FBXW12: variants seen among roughly 807,000 people sequenced by gnomAD.
The protein encoded by FBXW12 is F-box/WD repeat-containing protein 12.
Under a neutral mutation model 55.3 loss-of-function variants are expected in FBXW12, and 43 were observed. The observed-to-expected ratio is 0.78, with a 90% confidence interval of 0.61 to 1.00. FBXW12 has a LOEUF of 1.00. Ranked by LOEUF, FBXW12 falls within the 50% of genes least tolerant of loss-of-function variation. The pLI, the probability that FBXW12 is intolerant of heterozygous loss-of-function variation, is 0.00. For synonymous variants in FBXW12, 184 were observed against 203.8 expected (o/e 0.90, Z 0.83); for missense variants, 524 against 560.5 (o/e 0.93, Z 0.66).
Position 48,379,384 on chromosome 3 carries a change from G to A in FBXW12, c.616-16G>A. ...CATATCTTCCTATTGATATGGTGGG[G>A]ATGCTTTGGTTTCAGGTTGGCGATG... On this transcript the variant is annotated splice_polypyrimidine_tract_variant and intron_variant, in intron 6 of 10. Transcript: ENST00000296438. 1 of 1,613,526 alleles carries A rather than the reference G, an allele frequency of 6.2e-7. No individual in the cohort carries two copies. The highest frequency in any genetic ancestry group is 1.7e-5 in the Admixed American group (1 of 60,002).
intron 10 of FBXW12, among the ~76,000 whole-genome samples, chr3:48,386,968 G>A (rs937999751): frequency 1.3e-4 from 18 of 143,860 alleles, no homozygotes; most frequent in East Asian, 4.0e-4. Flanking sequence ...GCGAAGTCTC[G>A]CTCTTGTCCT....
At position 48,372,245 on chromosome 3, in the gene FBXW12, A is replaced by T; in HGVS notation, c.-160A>T. 3.9e-6 allele frequency: 6 copies of T among 1,551,380 alleles called. No homozygotes were observed. The highest frequency in any genetic ancestry group is 5.2e-6 in the Non-Finnish European group (6 of 1,146,596). ...TCTTTCTCCTCCACTGCAAAGTTAA[A>T]TGCGAGAAGGTAGAAACCCAGAGGC... is the stretch of plus-strand genomic sequence containing the variant. On this transcript the variant is annotated 5_prime_UTR_variant, in exon 1 of 11. It removes an upstream start codon present in the reference 5' UTR. Coordinates refer to ENST00000296438, the MANE Select transcript of FBXW12 (RefSeq NM_207102.2).
At chr3:48,377,616 T>A (rs1353223001) in intron 5 of FBXW12, among the ~76,000 whole-genome samples, 1 of 152,252 alleles carries the variant, frequency 6.6e-6, no homozygotes, top group Non-Finnish European at 1.5e-5. Context: ...AATTTTGGGA[T>A]GCTTGGTTAC....
rs776138098 is a variant in FBXW12, at chr3:48,373,669, C to T, written c.250C>T (p.Pro84Ser). The T allele has an allele frequency of 6.2e-7, 1 of 1,614,130 alleles. No individual in the cohort carries two copies. The highest frequency in any genetic ancestry group is 8.5e-7 in the Non-Finnish European group (1 of 1,180,004). Residue 84 changes from proline (P) to serine (S), a missense_variant, in exon 4 of 11, where the codon CCG becomes TCG. Transcript: ENST00000296438. The part of the protein sequence containing the change: ...RKELRLALAQ[P>S]HNFIYKVTKN... ...GGAGCTTCGGTTGGCATTGGCACAGCCGCATAACTTTATCTACAAAGTAAC... is the reference window on the plus strand; with the variant it reads ...GGAGCTTCGGTTGGCATTGGCACAGTCGCATAACTTTATCTACAAAGTAAC...
intron 8 of FBXW12, 110 bp downstream of exon 8, chr3:48,381,022 GTTTTTTT>G: frequency 3.5e-6 from 2 of 572,388 alleles, no homozygotes; most frequent in Non-Finnish European, 5.8e-6. Flanking sequence ...GGGATTTCTA[GTTTTTTT>G]TTTTTTTTTT....
At chr3:48,372,422 G>A in intron 1 of FBXW12, 102 bp downstream of exon 1, 1 of 1,402,778 alleles carries the variant, frequency 7.1e-7, no homozygotes, top group South Asian at 1.3e-5. Flanking sequence ...TGCACTCGGT[G>A]ACATTTCCTA....
chr3:48,375,819 C>T (rs950230631), intron 5 of FBXW12, among the ~76,000 whole-genome samples: 9 of 151,794 alleles, frequency 5.9e-5, no homozygotes, highest in East Asian at 1.9e-4. Context: ...GGACTACAGG[C>T]GCCCGCCACC....
In FBXW12 at chr3:48,382,020, C is replaced by T; in HGVS notation, c.1230C>T (p.Gly410=). Residue 410 remains glycine, a synonymous_variant, in exon 10 of 11, where the codon GGC becomes GGT. Transcript: ENST00000296438. ...SVHVYMWEEG[G]RHPYLRSCCH... The stretch of plus-strand genomic sequence containing the variant: ...ACGTGTACATGTGGGAAGAAGGAGG[C>T]CGCCATCCATACCTCAGGAGCTGCT... 6.2e-7 allele frequency: 1 copy of T among 1,614,188 alleles called. No individual in the cohort carries two copies. Among genetic ancestry groups the T allele is most frequent in the Non-Finnish European group, 8.5e-7 (1 of 1,180,032 alleles).
intron 10 of FBXW12, among the ~76,000 whole-genome samples, chr3:48,383,132 G>A (rs1322038906): frequency 6.6e-6 from 1 of 152,124 alleles, no homozygotes; most frequent in East Asian, 1.9e-4. Flanking sequence ...GTGTTTTGAG[G>A]CAAAAATACT....
Position 48,375,443 on chromosome 3 carries a change from C to T in FBXW12, c.376C>T (p.Gln126Ter), listed in dbSNP as rs768502809. ...AATCATTTGTAGTGTATCTCCAAAG[C>T]AAGAGCTTTGTGCCTGGGATGTGCA... Reference protein sequence around the residue: ...KSIICSVSPKQELCAWDVQEG... With the variant: ...KSIICSVSPK Residue 126 changes from glutamine (Q) to a stop codon, truncating the protein, a stop_gained, in exon 5 of 11, where the codon CAA becomes TAA. Transcript: ENST00000296438. LOFTEE classifies it high-confidence loss of function. 6.2e-7 allele frequency: 1 copy of T among 1,610,252 alleles called. No homozygotes were observed. The highest frequency in any genetic ancestry group is 1.3e-5 in the African/African-American group (1 of 74,736).
At position 48,380,897 on chromosome 3, in the gene FBXW12, C is replaced by T; in HGVS notation, c.970C>T (p.Gln324Ter). ...FDLTTKKTGG[Q>*]TVIQAYEIAS... Reference sequence around the variant, plus strand: ...TCTAACAACCAAGAAGACTGGAGGCCAAACAGTCATCCAAGGTAGGCTGTG... The same window carrying T: ...TCTAACAACCAAGAAGACTGGAGGCTAAACAGTCATCCAAGGTAGGCTGTG... Residue 324 changes from glutamine to a stop codon, truncating the protein, a stop_gained, in exon 8 of 11, where the codon CAA becomes TAA. Transcript: ENST00000296438. LOFTEE classifies it high-confidence loss of function. The T allele has an allele frequency of 1.2e-6, 2 of 1,613,756 alleles. No homozygotes were observed. The highest frequency in any genetic ancestry group is 8.5e-7 in the Non-Finnish European group (1 of 1,179,834).
chr3:48,375,531 T>C, intron 5 of FBXW12, 59 bp downstream of exon 5: 2 of 1,011,978 alleles, frequency 2.0e-6, no homozygotes, highest in Non-Finnish European at 2.9e-6. Flanking sequence ...CTGTTCTATA[T>C]ATGAAACGGA....
intron 10 of FBXW12, 59 bp from the exon 11 acceptor site, chr3:48,394,501 A>G: frequency 1.0e-6 from 1 of 959,558 alleles, no homozygotes; most frequent in Non-Finnish European, 1.7e-6. Context: ...GTCAGTATTA[A>G]CAATGGATGT....
intron 6 of FBXW12, among the ~76,000 whole-genome samples, chr3:48,378,922 C>T (rs2036724964): frequency 6.6e-6 from 1 of 152,176 alleles, no homozygotes. Context: ...ATCCCTTCCA[C>T]ATACCCTGCG....
At chr3:48,373,798 T>A in intron 4 of FBXW12, 93 bp downstream of exon 4, 1 of 1,208,746 alleles carries the variant, frequency 8.3e-7, no homozygotes. Context: ...TGTATTCTCA[T>A]TCAGTAAAGG....
intron 10 of FBXW12, 50 bp downstream of exon 10, chr3:48,382,135 T>G (rs750008434): frequency 5.0e-6 from 8 of 1,592,162 alleles, no homozygotes; most frequent in Non-Finnish European, 6.0e-6. Flanking sequence ...TTTTTTTTTT[T>G]GAGACGGAGT....
chr3:48,378,624 T>G, intron 6 of FBXW12, 98 bp downstream of exon 6: 1 of 976,876 alleles, frequency 1.0e-6, no homozygotes, highest in Non-Finnish European at 1.5e-6. Flanking sequence ...TTTTTTTTTT[T>G]TTTTTTTGGA....
chr3:48,378,131 T>G (rs1254880608), intron 5 of FBXW12, among the ~76,000 whole-genome samples, 186 bp from the exon 6 acceptor site: 1 of 152,174 alleles, frequency 6.6e-6, no homozygotes, highest in Non-Finnish European at 1.5e-5. Context: ...TCTCGGAGCA[T>G]AATGTGTAGT....
At chr3:48,378,257 T>C in intron 5 of FBXW12, 60 bp from the exon 6 acceptor site, 2 of 1,312,464 alleles carry the variant, frequency 1.5e-6, no homozygotes, top group South Asian at 1.2e-5. Flanking sequence ...ATGGGCAGAA[T>C]GAAAGCACAG....
Sources: gnomAD v4.1 joint callset for allele counts (sites outside exome capture counted in the v4.1 genomes callset) on GRCh38, gnomAD v4.1.1 for gene constraint, MANE v1.5 for transcripts, NCBI Gene and HGNC (gene_info 2026-07-23, HGNC 2026-07-21) for gene names.